The following ADRB1 variants were observed in gnomAD, a reference collection of about 807,000 sequenced individuals.
The protein encoded by ADRB1 is adrenoceptor beta 1, also known as beta-1 adrenergic receptor.
For missense variants in ADRB1, 635 were observed against 709.1 expected (o/e 0.90, Z 1.19); for synonymous variants, 365 against 347.2 (o/e 1.05, Z -0.57).
rs1847529104 is a variant in ADRB1, at chr10:114,044,334, A to G, written c.202A>G (p.Ile68Val). Residue 68 changes from isoleucine to valine, a missense_variant, in exon 1 of 1, where the codon ATC (isoleucine) becomes GTC (valine). Ile to Val is a conservative substitution (Grantham distance 29, BLOSUM62 3). Coordinates refer to ENST00000369295, the MANE Select transcript of ADRB1 (RefSeq NM_000684.3). This position sits in a 1 kb window ranked among gnomAD's most constrained non-coding sequence, Gnocchi z 7.8. Reference protein sequence around the residue: ...TAGMGLLMALIVLLIVAGNVL... With the variant: ...TAGMGLLMALVVLLIVAGNVL... ...GGGCATGGGTCTGCTGATGGCGCTC[A>G]TCGTGCTGCTCATCGTGGCGGGCAA... The G allele has an allele frequency of 6.2e-7, 1 of 1,602,182 alleles. No individual in the cohort carries two copies. The highest frequency in any genetic ancestry group is 8.5e-7 in the Non-Finnish European group (1 of 1,177,134).
At position 114,044,288 on chromosome 10, in the gene ADRB1, G is replaced by A. The variant is rs752633662; in HGVS notation, c.156G>A (p.Pro52=). The change falls in exon 1 of 1, where the codon CCG becomes CCA. Residue 52 remains proline, a synonymous_variant. Transcript: ENST00000369295. This position sits in a 1 kb window ranked among gnomAD's most constrained non-coding sequence, Gnocchi z 7.8. The part of the protein sequence containing the change: ...LLPPASESPE[P]LSQQWTAGMG... ...CTCCCGCCAGCGAAAGCCCCGAGCC[G>A]CTGTCTCAGCAGTGGACAGCGGGCA... The A allele has an allele frequency of 2.5e-6, 4 of 1,577,574 alleles. No individual in the cohort carries two copies. Among genetic ancestry groups the A allele is most frequent in the South Asian group, 1.1e-5 (1 of 88,506 alleles).
Position 114,044,645 on chromosome 10 carries a change from G to A in ADRB1, c.513G>A (p.Thr171=), listed in dbSNP as rs1390049186. Residue 171 remains threonine, a synonymous_variant, in exon 1 of 1, where the codon ACG becomes ACA. Coordinates refer to ENST00000369295, the MANE Select transcript of ADRB1 (RefSeq NM_000684.3). The surrounding 1 kb of genome is among the most constrained non-coding windows in gnomAD (Gnocchi z 7.8). The part of the protein sequence containing the change: ...TSPFRYQSLL[T]RARARGLVCT... ...CCTTCCGCTACCAGAGCCTGCTGACGCGCGCGCGGGCGCGGGGCCTCGTGT... is the reference window on the plus strand; with the variant it reads ...CCTTCCGCTACCAGAGCCTGCTGACACGCGCGCGGGCGCGGGGCCTCGTGT... 2 of 1,612,634 alleles carry A rather than the reference G, an allele frequency of 1.2e-6. No homozygotes were observed. Among genetic ancestry groups the A allele is most frequent in the South Asian group, 1.1e-5 (1 of 91,066 alleles).
rs1177235760 is a variant in ADRB1 at position 114,045,704 on chromosome 10, G to A, written c.*138G>A. On this transcript the variant is annotated 3_prime_UTR_variant, in exon 1 of 1. Coordinates refer to ENST00000369295, the MANE Select transcript of ADRB1 (RefSeq NM_000684.3). ...CATCCGAGGCAAAGAGAAAAGCCAC[G>A]GACCGTTGCACAAAAAGGAAAGTTT... The A allele has an allele frequency of 5.6e-6, 5 of 888,602 alleles. No individual in the cohort carries two copies. The highest frequency in any genetic ancestry group is 5.3e-5 in the African/African-American group (3 of 57,132). 55.0% of individuals were successfully genotyped at this position (888,602 alleles called of 1,614,324 possible).
Position 114,045,433 on chromosome 10 carries a change from A to T in ADRB1, c.1301A>T (p.Asp434Val), listed in dbSNP as rs1589585514. Residue 434 changes from aspartate (D) to valine (V), a missense_variant, in exon 1 of 1, where the codon GAT becomes GTT. Physicochemically the swap from Asp to Val is radical, Grantham distance 152 (BLOSUM62 -3). Coordinates refer to ENST00000369295, the MANE Select transcript of ADRB1 (RefSeq NM_000684.3). The stretch of plus-strand genomic sequence containing the variant: ...GCCGCCTCGGACGACGACGACGACG[A>T]TGTCGTCGGGGCCACGCCGCCCGCG... ...PGAASDDDDD[D>V]VVGATPPARL... The T allele has an allele frequency of 2.4e-6, 3 of 1,243,540 alleles. No individual in the cohort carries two copies. Among genetic ancestry groups the T allele is most frequent in the African/African-American group, 1.6e-5 (1 of 63,878 alleles). 77.0% of individuals were successfully genotyped at this position (1,243,540 alleles called of 1,614,324 possible). A position where few individuals can be genotyped will look rare whatever the true frequency, so the allele number is the denominator to read the frequency against.
rs1199364277 is a variant in ADRB1 at position 114,046,524 on chromosome 10, C to A, written c.*958C>A. On this transcript the variant is annotated 3_prime_UTR_variant, in exon 1 of 1. Coordinates refer to ENST00000369295, the MANE Select transcript of ADRB1 (RefSeq NM_000684.3). ...CATTTTTGCACAGTGTTAGGAATTACAAAATCCACAGAAGATGTTACTTGC... is the reference window on the plus strand; with the variant it reads ...CATTTTTGCACAGTGTTAGGAATTAAAAAATCCACAGAAGATGTTACTTGC... The A allele has an allele frequency of 6.0e-6, 1 of 166,994 alleles. No individual in the cohort carries two copies. The highest frequency in any genetic ancestry group is 1.5e-5 in the Non-Finnish European group (1 of 68,106). 10.3% of individuals were successfully genotyped at this position (166,994 alleles called of 1,614,324 possible).
rs1847541719 is a variant in ADRB1 at position 114,045,073 on chromosome 10, T to G, written c.941T>G (p.Leu314Arg). Residue 314 changes from leucine to arginine, a missense_variant, in exon 1 of 1, where the codon CTC (leucine) becomes CGC (arginine). Physicochemically the swap from Leu to Arg is moderately radical, Grantham distance 102. Transcript: ENST00000369295. ...GRAGKRRPSR[L>R]VALREQKALK... ...GCGGGTAAGCGGCGGCCCTCGCGCC[T>G]CGTGGCCCTGCGCGAGCAGAAGGCG... 3 of 1,452,510 alleles carry G rather than the reference T, an allele frequency of 2.1e-6. No individual in the cohort carries two copies. Among genetic ancestry groups the G allele is most frequent in the Non-Finnish European group, 1.8e-6 (2 of 1,096,688 alleles). The allele number at this position is 1,452,510 out of a possible 1,614,324, so 90.0% of individuals were successfully genotyped here.
rs1847524926 is a variant in ADRB1, at chr10:114,044,130, G to C, written c.-3G>C. ...CCCCCGCCCCCGGCCTCCGCAGCTCGGCATGGGCGCGGGGGTGCTCGTCCT... is the reference window on the plus strand; with the variant it reads ...CCCCCGCCCCCGGCCTCCGCAGCTCCGCATGGGCGCGGGGGTGCTCGTCCT... On this transcript the variant is annotated 5_prime_UTR_variant, in exon 1 of 1. Coordinates refer to ENST00000369295, the MANE Select transcript of ADRB1 (RefSeq NM_000684.3). The surrounding 1 kb of genome is among the most constrained non-coding windows in gnomAD (Gnocchi z 7.8). The C allele has an allele frequency of 1.6e-6, 2 of 1,275,924 alleles. No homozygotes were observed. The highest frequency in any genetic ancestry group is 4.3e-5 in the Admixed American group (1 of 23,178). 79.0% of individuals were successfully genotyped at this position (1,275,924 alleles called of 1,614,324 possible).
chr10:114,044,372 C>T lies in ADRB1; in HGVS notation c.240C>T (p.Ile80=), dbSNP rs1450328907. ...TCGTGGCGGGCAATGTGCTGGTGATCGTGGCCATCGCCAAGACGCCGCGGC... is the reference window on the plus strand; with the variant it reads ...TCGTGGCGGGCAATGTGCTGGTGATTGTGGCCATCGCCAAGACGCCGCGGC... ...LLIVAGNVLV[I]VAIAKTPRLQ... is the part of the protein sequence containing the mutation. Residue 80 remains isoleucine (I), a synonymous_variant, in exon 1 of 1, where the codon ATC becomes ATT. Transcript: ENST00000369295. The surrounding 1 kb of genome is among the most constrained non-coding windows in gnomAD (Gnocchi z 7.8). 8 of 1,609,142 alleles carry T rather than the reference C, an allele frequency of 5.0e-6. No homozygotes were observed. In the Admixed American group the frequency reaches 1.0e-4, roughly 20 times the overall value.
Position 114,044,802 on chromosome 10 carries a change from T to G in ADRB1, c.670T>G (p.Tyr224Asp), listed in dbSNP as rs1307811699. The change falls in exon 1 of 1, where the codon TAC becomes GAC. Residue 224 changes from tyrosine (Y) to aspartate (D), a missense_variant. Tyr to Asp is a radical substitution (Grantham distance 160). Transcript: ENST00000369295. The surrounding 1 kb of genome is among the most constrained non-coding windows in gnomAD (Gnocchi z 7.8). ...KCCDFVTNRAYAIASSVVSFY... is the reference protein window; with the variant it reads ...KCCDFVTNRADAIASSVVSFY... ...CTGCGACTTCGTCACCAACCGGGCC[T>G]ACGCCATCGCCTCGTCCGTAGTCTC... The G allele has an allele frequency of 6.2e-7, 1 of 1,613,806 alleles. No homozygotes were observed. Among genetic ancestry groups the G allele is most frequent in the South Asian group, 1.1e-5 (1 of 91,082 alleles).
Position 114,044,932 on chromosome 10 carries a change from G to C in ADRB1, c.800G>C (p.Gly267Ala), listed in dbSNP as rs1371090340. Residue 267 changes from glycine (G) to alanine (A), a missense_variant, in exon 1 of 1, where the codon GGC becomes GCC. Gly to Ala is a moderately conservative substitution (Grantham distance 60, BLOSUM62 0). Coordinates refer to ENST00000369295, the MANE Select transcript of ADRB1 (RefSeq NM_000684.3). This position sits in a 1 kb window ranked among gnomAD's most constrained non-coding sequence, Gnocchi z 7.8. ...GACAGCTGCGAGCGCCGTTTCCTCG[G>C]CGGCCCAGCGCGGCCGCCCTCGCCC... ...KIDSCERRFLGGPARPPSPSP... is the reference protein window; with the variant it reads ...KIDSCERRFLAGPARPPSPSP... 6.5e-7 allele frequency: 1 copy of C among 1,542,766 alleles called. No individual in the cohort carries two copies. The highest frequency in any genetic ancestry group is 1.2e-5 in the South Asian group (1 of 81,340).
chr10:114,044,211 G>A lies in ADRB1; in HGVS notation c.79G>A (p.Ala27Thr), dbSNP rs2119528104. 2.9e-6 allele frequency: 4 copies of A among 1,398,134 alleles called. No homozygotes were observed. In the South Asian group the frequency reaches 4.9e-5, roughly 17 times the overall value. 86.6% of individuals were successfully genotyped at this position (1,398,134 alleles called of 1,614,324 possible). A position where few individuals can be genotyped will look rare whatever the true frequency, so the allele number is the denominator to read the frequency against. ...GGCCGCACCGCTCCCCGACGGCGCG[G>A]CCACCGCGGCGCGGCTGCTGGTGCC... ...SSAAPLPDGA[A>T]TAARLLVPAS... The change falls in exon 1 of 1, where the codon GCC (alanine) becomes ACC (threonine). Residue 27 changes from alanine to threonine, a missense_variant. Coordinates refer to ENST00000369295, the MANE Select transcript of ADRB1 (RefSeq NM_000684.3). This position sits in a 1 kb window ranked among gnomAD's most constrained non-coding sequence, Gnocchi z 7.8.
At position 114,044,625 on chromosome 10, in the gene ADRB1, C is replaced by G. The variant is rs757533053; in HGVS notation, c.493C>G (p.Arg165Gly). 5 of 1,613,236 alleles carry G rather than the reference C, an allele frequency of 3.1e-6. No individual in the cohort carries two copies. The highest frequency in any genetic ancestry group is 1.3e-5 in the African/African-American group (1 of 74,930). ...DRYLAITSPF[R>G]YQSLLTRARA... ...CTACCTCGCCATCACCTCGCCCTTC[C>G]GCTACCAGAGCCTGCTGACGCGCGC... Residue 165 changes from arginine to glycine, a missense_variant, in exon 1 of 1, where the codon CGC (arginine) becomes GGC (glycine). By Grantham distance (125) the Arg-to-Gly change is moderately radical. Transcript: ENST00000369295. This position sits in a 1 kb window ranked among gnomAD's most constrained non-coding sequence, Gnocchi z 7.8.
Position 114,044,273 on chromosome 10 carries a change from C to T in ADRB1, c.141C>T (p.Ser47=). ...SPPASLLPPA[S]ESPEPLSQQW... is the part of the protein sequence containing the mutation. ...CCGCCTCGTTGCTGCCTCCCGCCAGCGAAAGCCCCGAGCCGCTGTCTCAGC... is the reference window on the plus strand; with the variant it reads ...CCGCCTCGTTGCTGCCTCCCGCCAGTGAAAGCCCCGAGCCGCTGTCTCAGC... Residue 47 remains serine (S), a synonymous_variant, in exon 1 of 1, where the codon AGC becomes AGT. Transcript: ENST00000369295. The surrounding 1 kb of genome is among the most constrained non-coding windows in gnomAD (Gnocchi z 7.8). 1 of 1,540,076 alleles carries T rather than the reference C, an allele frequency of 6.5e-7. No homozygotes were observed. Among genetic ancestry groups the T allele is most frequent in the Non-Finnish European group, 8.7e-7 (1 of 1,154,388 alleles).
chr10:114,043,942 GGCAGCGGCA>G lies in ADRB1; in HGVS notation c.-188_-180del. 2 of 284,868 alleles carry G rather than the reference GGCAGCGGCA, an allele frequency of 7.0e-6. No homozygotes were observed. 17.6% of individuals were successfully genotyped at this position (284,868 alleles called of 1,614,324 possible). A position where few individuals can be genotyped will look rare whatever the true frequency, so the allele number is the denominator to read the frequency against. On this transcript the variant is annotated 5_prime_UTR_variant, in exon 1 of 1. Transcript: ENST00000369295. ...CAGCAGCGGCGGCGGCGGCGGCGGC[GGCAGCGGCA>G]GCGACAGCGCTCGGCTCCTGCGGGA...
Position 114,045,796 on chromosome 10 carries a change from T to A in ADRB1, c.*230T>A. ...TTTTTTTTTCTTTTCTTTTCTTTCT[T>A]CTTCTTTTTTTTTTTTTTTTTTTTT... On this transcript the variant is annotated 3_prime_UTR_variant, in exon 1 of 1. Transcript: ENST00000369295. The A allele has an allele frequency of 4.2e-6, 1 of 238,420 alleles. No individual in the cohort carries two copies. The highest frequency in any genetic ancestry group is 6.6e-5 in the East Asian group (1 of 15,256). The allele number at this position is 238,420 out of a possible 1,614,324, so 14.8% of individuals were successfully genotyped here.
In ADRB1 at chr10:114,044,606, C is replaced by A; in HGVS notation, c.474C>A (p.Leu158=). Reference sequence around the variant, plus strand: ...GTGTCATTGCCCTGGACCGCTACCTCGCCATCACCTCGCCCTTCCGCTACC... The same window carrying A: ...GTGTCATTGCCCTGGACCGCTACCTAGCCATCACCTCGCCCTTCCGCTACC... ...TLCVIALDRY[L]AITSPFRYQS... Residue 158 remains leucine, a synonymous_variant, in exon 1 of 1, where the codon CTC becomes CTA. Coordinates refer to ENST00000369295, the MANE Select transcript of ADRB1 (RefSeq NM_000684.3). This position sits in a 1 kb window ranked among gnomAD's most constrained non-coding sequence, Gnocchi z 7.8. 6.2e-7 allele frequency: 1 copy of A among 1,613,490 alleles called. No homozygotes were observed. Among genetic ancestry groups the A allele is most frequent in the South Asian group, 1.1e-5 (1 of 91,084 alleles).
Position 114,045,722 on chromosome 10 carries a change from GAA to G in ADRB1, c.*158_*159del. ...AAGCCACGGACCGTTGCACAAAAAG[GAA>G]AGTTTGGGAAGGGATGGGAGAGTGG... is the stretch of plus-strand genomic sequence containing the variant. On this transcript the variant is annotated 3_prime_UTR_variant, in exon 1 of 1. Transcript: ENST00000369295. 1.4e-6 allele frequency: 1 copy of G among 692,158 alleles called. No individual in the cohort carries two copies. Among genetic ancestry groups the G allele is most frequent in the Admixed American group, 4.5e-5 (1 of 22,138 alleles). The allele number at this position is 692,158 out of a possible 1,614,324, so 42.9% of individuals were successfully genotyped here.
rs1801253 is a variant in ADRB1, at chr10:114,045,297, G to C, written c.1165G>C (p.Gly389Arg). The C allele has an allele frequency of 0.73, 1,152,550 of 1,577,268 alleles. 423,077 individuals carry two copies. Among genetic ancestry groups the C allele is most frequent in the Admixed American group, 0.83 (46,868 of 56,632 alleles). Residue 389 changes from glycine (G) to arginine (R), a missense_variant, in exon 1 of 1, where the codon GGA (glycine) becomes CGA (arginine). Physicochemically the swap from Gly to Arg is moderately radical, Grantham distance 125. Coordinates refer to ENST00000369295, the MANE Select transcript of ADRB1 (RefSeq NM_000684.3). ...RSPDFRKAFQ[G>R]LLCCARRAAR... ...CCCCGACTTCCGCAAGGCCTTCCAG[G>C]GACTGCTCTGCTGCGCGCGCAGGGC...
Position 114,046,623 on chromosome 10 carries a change from T to G in ADRB1, c.*1057T>G, listed in dbSNP as rs1847570159. ...TTAAATAAAATTCAAACTCTACTTC[T>G]GTTGTCTAGTATGTTATTGAGCTAA... On this transcript the variant is annotated 3_prime_UTR_variant, in exon 1 of 1. Coordinates refer to ENST00000369295, the MANE Select transcript of ADRB1 (RefSeq NM_000684.3). 6.0e-6 allele frequency: 1 copy of G among 167,126 alleles called. No homozygotes were observed. The highest frequency in any genetic ancestry group is 6.5e-5 in the Admixed American group (1 of 15,292). The allele number at this position is 167,126 out of a possible 1,614,324, so 10.4% of individuals were successfully genotyped here.
Sources: gnomAD v4.1 joint callset for allele counts on GRCh38, gnomAD v4.1.1 for gene constraint, Gnocchi (gnomAD v3.1) non-coding constraint, MANE v1.5 for transcripts, NCBI Gene and HGNC (gene_info 2026-07-23, HGNC 2026-07-21) for gene names.